The following ASB4 variants were observed in gnomAD, a reference collection of about 807,000 sequenced individuals.
ASB4 encodes ankyrin repeat and SOCS box protein 4.
A neutral mutation model predicts 38.6 loss-of-function variants in ASB4; 35 were observed. The ratio of observed to expected loss-of-function variants is 0.91; its 90% CI spans 0.69 to 1.20. ASB4 has a LOEUF of 1.20. Among genes scored for constraint, ASB4 ranks in the 50% most tolerant of loss-of-function variants. The pLI is 0.00. For synonymous variants in ASB4, 195 were observed against 201.3 expected, an observed-to-expected ratio of 0.97 and a Z score of 0.26; for missense variants, 557 against 527.2, an observed-to-expected ratio of 1.06 and a Z score of -0.55.
intron 1 of ASB4, among the ~76,000 whole-genome samples, chr7:95,478,794 G>T (rs1397091364): frequency 6.6e-6 from 1 of 152,150 alleles, no homozygotes; most frequent in African/African-American, 2.4e-5. Context: ...CGTTTACAAA[G>T]CAATCATTTC....
intron 2 of ASB4, among the ~76,000 whole-genome samples, chr7:95,500,993 C>T (rs540403398): frequency 1.3e-5 from 2 of 152,306 alleles, no homozygotes; most frequent in South Asian, 4.1e-4. Context: ...CACATTTACT[C>T]ATTCATTTAT....
chr7:95,529,728 A>G (rs180850470), intron 3 of ASB4, among the ~76,000 whole-genome samples: 115 of 152,348 alleles, frequency 7.5e-4, no homozygotes, highest in African/African-American at 2.6e-3. Context: ...GAATAGAATA[A>G]GAATAATGTT....
upstream of ASB4, chr7:95,485,896 C>G: frequency 7.6e-7 from 1 of 1,320,788 alleles, no homozygotes; most frequent in Non-Finnish European, 1.0e-6. Flanking sequence ...AGTTTGTGGA[C>G]TCTCCAGCAT....
rs541396176 is a variant in ASB4, at chr7:95,516,356, A to G, written c.488-11457A>G. On this transcript the variant is annotated intron_variant, in intron 2 of 4. Coordinates refer to ENST00000325885, the MANE Select transcript of ASB4 (RefSeq NM_016116.3). The stretch of plus-strand genomic sequence containing the variant: ...TAATCAATGGTTTTTTGGAATTAAA[A>G]AGATAAAAAATAAAATAAATACAGG... 2.6e-5 allele frequency among the ~76,000 whole-genome samples: 4 copies of G among 152,310 alleles called. 1 individual carries two copies. The highest frequency in any genetic ancestry group is 9.6e-5 in the African/African-American group (4 of 41,566).
At chr7:95,522,129 G>A (rs766899389) in intron 2 of ASB4, among the ~76,000 whole-genome samples, 2 of 152,050 alleles carry the variant, frequency 1.3e-5, no homozygotes, top group Non-Finnish European at 2.9e-5. Flanking sequence ...ACACAACAGA[G>A]TTCTCTCTTT....
At chr7:95,494,661 C>T (rs1030425941) in intron 1 of ASB4, among the ~76,000 whole-genome samples, 2 of 152,148 alleles carry the variant, frequency 1.3e-5, no homozygotes, top group Admixed American at 1.3e-4. Flanking sequence ...ATTTTCCGTT[C>T]TCCATTCATA....
chr7:95,502,359 C>A (rs920293541), intron 2 of ASB4, among the ~76,000 whole-genome samples: 1 of 147,130 alleles, frequency 6.8e-6, no homozygotes, highest in African/African-American at 2.5e-5. Context: ...CTCTTACACA[C>A]GCTTAATAGA....
intron 2 of ASB4, among the ~76,000 whole-genome samples, chr7:95,500,840 T>C (rs1479228080): frequency 1.3e-5 from 2 of 152,182 alleles, no homozygotes; most frequent in African/African-American, 2.4e-5. Context: ...CAACTGTAGA[T>C]AATAGTGACC....
intron 2 of ASB4, among the ~76,000 whole-genome samples, chr7:95,513,260 T>TTTTTTG (rs1790509437): frequency 7.0e-6 from 1 of 142,286 alleles, no homozygotes; most frequent in Admixed American, 7.1e-5. Flanking sequence ...TTTGTTTTTT[T>TTTTTTG]TTTTTTTTTT....
intron 2 of ASB4, among the ~76,000 whole-genome samples, chr7:95,509,973 C>T (rs1022857275): frequency 6.6e-6 from 1 of 152,072 alleles, no homozygotes; most frequent in African/African-American, 2.4e-5. Context: ...TTGAATAATG[C>T]TTATCCTTCT....
At chr7:95,484,750 C>T (rs1343510637), upstream of ASB4, among the ~76,000 whole-genome samples, 1 of 151,904 alleles carries the variant, frequency 6.6e-6, no homozygotes, top group Non-Finnish European at 1.5e-5. Context: ...TTAGAACTTG[C>T]TATTATAATT....
chr7:95,545,687 G>C, the ASB4 span, among the ~76,000 whole-genome samples: 2 of 152,088 alleles, frequency 1.3e-5, no homozygotes, highest in Non-Finnish European at 2.9e-5. Context: ...AGTAAATGTT[G>C]ATATATTCTT....
chr7:95,527,891 A>G lies in ASB4; in HGVS notation c.566A>G (p.Glu189Gly). 1 of 1,614,004 alleles carries G rather than the reference A, an allele frequency of 6.2e-7. No homozygotes were observed. The highest frequency in any genetic ancestry group is 1.1e-5 in the South Asian group (1 of 91,072). The change falls in exon 3 of 5, where the codon GAG (glutamate) becomes GGG (glycine). Residue 189 changes from glutamate (E) to glycine (G), a missense_variant. By Grantham distance (98) the Glu-to-Gly change is moderately conservative (BLOSUM62 -2). Coordinates refer to ENST00000325885, the MANE Select transcript of ASB4 (RefSeq NM_016116.3). ...LHTAAHFGLSELVAFYVEHGA... is the reference protein window; with the variant it reads ...LHTAAHFGLSGLVAFYVEHGA... ...ACGGCTGCCCACTTCGGCCTTTCGG[A>G]GCTGGTGGCCTTCTACGTGGAACAC... is the stretch of plus-strand genomic sequence containing the variant.
At chr7:95,543,299 G>GGCC (rs1790993667), downstream of ASB4, 1 of 152,260 alleles carries the variant, frequency 6.6e-6, no homozygotes, top group Non-Finnish European at 1.5e-5. Flanking sequence ...TGGCTTCCTA[G>GGCC]AGGGTTCAGT....
chr7:95,473,365 C>T, the ASB4 span, among the ~76,000 whole-genome samples: 7 of 152,160 alleles, frequency 4.6e-5, no homozygotes, highest in South Asian at 2.1e-4. Flanking sequence ...CCATTTTAGA[C>T]GTGAAGGACC....
Position 95,527,878 on chromosome 7 carries a change from T to C in ASB4, c.553T>C (p.Phe185Leu). ...EETPLHTAAH[F>L]GLSELVAFYV... is the part of the protein sequence containing the mutation. ...GACGCCCTTGCACACGGCTGCCCAC[T>C]TCGGCCTTTCGGAGCTGGTGGCCTT... The change falls in exon 3 of 5, where the codon TTC (phenylalanine) becomes CTC (leucine). Residue 185 changes from phenylalanine to leucine, a missense_variant. Physicochemically the swap from Phe to Leu is conservative, Grantham distance 22. Transcript: ENST00000325885. The C allele has an allele frequency of 6.2e-7, 1 of 1,613,826 alleles. No individual in the cohort carries two copies.
At chr7:95,483,119 A>T (rs1181266071), upstream of ASB4, among the ~76,000 whole-genome samples, 2 of 152,198 alleles carry the variant, frequency 1.3e-5, no homozygotes, top group Non-Finnish European at 2.9e-5. Flanking sequence ...ACACTCTAGT[A>T]GCCAGATAGG....
intron 3 of ASB4, among the ~76,000 whole-genome samples, chr7:95,532,058 G>A (rs1790826604): frequency 6.6e-6 from 1 of 152,040 alleles, no homozygotes; most frequent in Non-Finnish European, 1.5e-5. Context: ...CCCCTCCAAA[G>A]GAAAAGTAAA....
At chr7:95,518,383 G>A (rs971338285) in intron 2 of ASB4, among the ~76,000 whole-genome samples, 2 of 152,244 alleles carry the variant, frequency 1.3e-5, no homozygotes, top group African/African-American at 4.8e-5. Context: ...AGGTAGAGAT[G>A]GCGAAGCCAT....
Sources: gnomAD v4.1 joint callset for allele counts (sites outside exome capture counted in the v4.1 genomes callset) on GRCh38, gnomAD v4.1.1 for gene constraint, MANE v1.5 for transcripts, NCBI Gene and HGNC (gene_info 2026-07-23, HGNC 2026-07-21) for gene names.